MLYCD: variants seen among roughly 807,000 people sequenced by gnomAD.
The protein encoded by MLYCD is malonyl-CoA decarboxylase.
Under a neutral mutation model 35.8 loss-of-function variants are expected in MLYCD, and 27 were observed. The observed-to-expected ratio is 0.75, with a 90% CI of 0.56 to 1.04. The LOEUF (loss-of-function observed/expected upper bound fraction) is 1.04, where lower values mean the gene tolerates loss of function less well. MLYCD is among the 50% of genes least tolerant of loss of function. The pLI is 0.00. For synonymous variants in MLYCD, 403 were observed against 302.4 expected, an observed-to-expected ratio of 1.33 and a Z score of -3.45; for missense variants, 917 against 665.1, an observed-to-expected ratio of 1.38 and a Z score of -4.17.
chr16:83,914,716 C>A (rs1000957865), intron 4 of MLYCD: 1 of 536,074 alleles, frequency 1.9e-6, no homozygotes. Context: ...GAGATGGAGG[C>A]TGCAGTGAGC....
rs1242526627 is a variant in MLYCD at position 83,915,625 on chromosome 16, C to T, written c.*136C>T. On this transcript the variant is annotated 3_prime_UTR_variant, in exon 5 of 5. Transcript: ENST00000262430. ...GTGTTCTTGTCCCGCAGCCGGTCCA[C>T]ACTGTGAGGCCAGGCCTCAACTTCC... 8 of 1,525,096 alleles carry T rather than the reference C, an allele frequency of 5.2e-6. No individual in the cohort carries two copies. Among genetic ancestry groups the T allele is most frequent in the South Asian group, 4.8e-5 (4 of 82,572 alleles). 94.5% of individuals were successfully genotyped at this position (1,525,096 alleles called of 1,614,324 possible).
At position 83,915,579 on chromosome 16, in the gene MLYCD, C is replaced by T. The variant is rs1907354465; in HGVS notation, c.*90C>T. The stretch of plus-strand genomic sequence containing the variant: ...GAGTTATGTATCTGAAGCAGCTTTC[C>T]AAGCAAAGCCAAAGTTGACTGTGTT... On this transcript the variant is annotated 3_prime_UTR_variant, in exon 5 of 5. Coordinates refer to ENST00000262430, the MANE Select transcript of MLYCD (RefSeq NM_012213.3). 1 of 1,552,634 alleles carries T rather than the reference C, an allele frequency of 6.4e-7. No homozygotes were observed. The highest frequency in any genetic ancestry group is 1.9e-5 in the Admixed American group (1 of 52,698).
Position 83,899,666 on chromosome 16 carries a change from C to A in MLYCD, c.522C>A (p.Asp174Glu). ...AQALKLVEGPDVREMNGVLKG... is the reference protein window; with the variant it reads ...AQALKLVEGPEVREMNGVLKG... ...CCCTCAAGCTGGTGGAGGGGCCGGA[C>A]GTCCGGGTAAGGGGCCGCCGTCGAT... The change falls in exon 1 of 5, where the codon GAC becomes GAA. Residue 174 changes from aspartate (D) to glutamate (E), a missense_variant. Physicochemically the swap from Asp to Glu is conservative, Grantham distance 45. Coordinates refer to ENST00000262430, the MANE Select transcript of MLYCD (RefSeq NM_012213.3). 6.6e-7 allele frequency: 1 copy of A among 1,525,240 alleles called. No individual in the cohort carries two copies. The highest frequency in any genetic ancestry group is 8.7e-7 in the Non-Finnish European group (1 of 1,142,954). The allele number at this position is 1,525,240 out of a possible 1,614,324, so 94.5% of individuals were successfully genotyped here. A position where few individuals can be genotyped will look rare whatever the true frequency, so the allele number is the denominator to read the frequency against.
intron 3 of MLYCD, among the ~76,000 whole-genome samples, chr16:83,909,223 A>C (rs1283158006): frequency 1.3e-5 from 2 of 151,972 alleles, no homozygotes; most frequent in Non-Finnish European, 2.9e-5. Flanking sequence ...TGGCCTAACA[A>C]TTCCACTCCT....
In MLYCD at chr16:83,920,172, C is replaced by T. The variant is rs911257608; in HGVS notation, c.*4683C>T. ...GTGCACAGAACACACACCCTGTGCA[C>T]AGTTTTGTTTTGTTTTGCTTTTGCA... On this transcript the variant is annotated 3_prime_UTR_variant, in exon 5 of 5. Transcript: ENST00000262430. The T allele has an allele frequency of 4.6e-5, 7 of 152,208 alleles. No homozygotes were observed. The highest frequency in any genetic ancestry group is 1.0e-4 in the Non-Finnish European group (7 of 68,052). The allele number at this position is 152,208 out of a possible 1,614,324, so 9.4% of individuals were successfully genotyped here.
At chr16:83,906,785 C>T (rs1480266972) in intron 1 of MLYCD, among the ~76,000 whole-genome samples, 3 of 150,430 alleles carry the variant, frequency 2.0e-5, no homozygotes, top group Non-Finnish European at 4.4e-5. Flanking sequence ...CTAAATAGAG[C>T]GTTGAACGAA....
rs1293908135 is a variant in MLYCD, at chr16:83,915,875, C to T, written c.*386C>T. On this transcript the variant is annotated 3_prime_UTR_variant, in exon 5 of 5. Coordinates refer to ENST00000262430, the MANE Select transcript of MLYCD (RefSeq NM_012213.3). ...TCCTCCTAAGGACCGGGGCGCGTGG[C>T]CCAGATAAGAATAGGTGTTCCTTTG... The T allele has an allele frequency of 8.6e-7, 1 of 1,168,830 alleles. No homozygotes were observed. The highest frequency in any genetic ancestry group is 1.9e-5 in the South Asian group (1 of 51,356). The allele number at this position is 1,168,830 out of a possible 1,614,324, so 72.4% of individuals were successfully genotyped here. A position where few individuals can be genotyped will look rare whatever the true frequency, so the allele number is the denominator to read the frequency against.
Position 83,908,397 on chromosome 16 carries a change from T to G in MLYCD, c.798+115T>G, listed in dbSNP as rs1053530363. On this transcript the variant is annotated intron_variant, in intron 3 of 4. Transcript: ENST00000262430. The stretch of plus-strand genomic sequence containing the variant: ...CTCCTTTTTTTTTTTTTTAAATAAA[T>G]GGTTTTGGGCTTTTTTAAATTGGTT... The G allele has an allele frequency of 7.9e-5, 104 of 1,313,328 alleles. 1 individual carries two copies. The African/African-American group carries it at 1.2e-3, about 15-fold the overall frequency. The allele number at this position is 1,313,328 out of a possible 1,614,324, so 81.4% of individuals were successfully genotyped here.
chr16:83,903,882 G>T (rs1222621740), intron 1 of MLYCD, among the ~76,000 whole-genome samples: 1 of 152,192 alleles, frequency 6.6e-6, no homozygotes, highest in Non-Finnish European at 1.5e-5. Context: ...GATAAATGGT[G>T]CCTGAATTAA....
At chr16:83,912,125 TC>T (rs1907200494) in intron 3 of MLYCD, 92 bp from the exon 4 acceptor site, 6 of 1,563,554 alleles carry the variant, frequency 3.8e-6, no homozygotes, top group Non-Finnish European at 5.3e-6. Flanking sequence ...CCTTCAGTGC[TC>T]TGAGAATTGT....
chr16:83,914,637 G>C (rs1567636656), intron 4 of MLYCD: 1 of 399,430 alleles, frequency 2.5e-6, no homozygotes, highest in Non-Finnish European at 4.7e-6. Context: ...TTTCCTGCTG[G>C]GTGTGGCGGC....
In MLYCD at chr16:83,910,038, G is replaced by A. The variant is rs72791526; in HGVS notation, c.798+1756G>A. On this transcript the variant is annotated intron_variant, in intron 3 of 4. Coordinates refer to ENST00000262430, the MANE Select transcript of MLYCD (RefSeq NM_012213.3). ...CGGAACTGGAATTCAGACCCAGCTC[G>A]CATCCTGACTCTAAGGGCACGTGAG... is the stretch of plus-strand genomic sequence containing the variant. 1.8e-3 allele frequency among the ~76,000 whole-genome samples: 278 copies of A among 152,114 alleles called. 3 individuals carry two copies. The highest frequency in any genetic ancestry group is 0.01 in the Middle Eastern group (3 of 294).
chr16:83,914,778 C>CT lies in MLYCD; in HGVS notation c.949-177dup. The stretch of plus-strand genomic sequence containing the variant: ...AGGGCAATAGAGCAAGACCCTGACT[C>CT]TAAGAGGAAAAAAAGAAAAGCTGCT... On this transcript the variant is annotated intron_variant, in intron 4 of 4. Coordinates refer to ENST00000262430, the MANE Select transcript of MLYCD (RefSeq NM_012213.3). 3 of 902,650 alleles carry CT rather than the reference C, an allele frequency of 3.3e-6. 1 individual carries two copies. In the South Asian group the frequency reaches 4.6e-5, roughly 14 times the overall value. The allele number at this position is 902,650 out of a possible 1,614,324, so 55.9% of individuals were successfully genotyped here. A position where few individuals can be genotyped will look rare whatever the true frequency, so the allele number is the denominator to read the frequency against.
At position 83,907,016 on chromosome 16, in the gene MLYCD, C is replaced by G. The variant is rs200027817; in HGVS notation, c.558C>G (p.Leu186=). The change falls in exon 2 of 5, where the codon CTC becomes CTG. Residue 186 remains leucine (L), a synonymous_variant. Coordinates refer to ENST00000262430, the MANE Select transcript of MLYCD (RefSeq NM_012213.3). ...REMNGVLKGM[L]SEWFSSGFLN... ...TGAATGGGGTGCTGAAAGGAATGCT[C>G]TCAGAATGGTTTTCCTCCGGGTTCC... 1.6e-4 allele frequency: 260 copies of G among 1,614,124 alleles called. No homozygotes were observed. Among genetic ancestry groups the G allele is most frequent in the Non-Finnish European group, 1.6e-4 (194 of 1,180,002 alleles).
Position 83,926,596 on chromosome 16 carries a change from A to G in MLYCD, c.*11107A>G, listed in dbSNP as rs912650004. 39 of 152,242 alleles carry G rather than the reference A, an allele frequency of 2.6e-4. No homozygotes were observed. Among genetic ancestry groups the G allele is most frequent in the African/African-American group, 9.4e-4 (39 of 41,454 alleles). 9.4% of individuals were successfully genotyped at this position (152,242 alleles called of 1,614,324 possible). ...CCCCCTTGAGCTGGGTGGGCTGCCC[A>G]GCTGTGAACACAAGGACACCTCCGA... On this transcript the variant is annotated 3_prime_UTR_variant, in exon 5 of 5. Transcript: ENST00000262430.
intron 2 of MLYCD, 148 bp downstream of exon 2, chr16:83,907,247 G>T (rs910432539): frequency 1.4e-6 from 1 of 723,518 alleles, no homozygotes. Context: ...ATTTGCAAAT[G>T]CTGCGGCTGT....
At chr16:83,914,112 A>G (rs1907284514) in intron 4 of MLYCD, 1 of 152,080 alleles carries the variant, frequency 6.6e-6, no homozygotes, top group Non-Finnish European at 1.5e-5. Flanking sequence ...TGATGGTTTT[A>G]TTTTCTTCTG....
chr16:83,925,002 C>G lies in MLYCD; in HGVS notation c.*9513C>G, dbSNP rs576685285. 1 of 152,478 alleles carries G rather than the reference C, an allele frequency of 6.6e-6. No individual in the cohort carries two copies. The highest frequency in any genetic ancestry group is 6.5e-5 in the Admixed American group (1 of 15,308). The allele number at this position is 152,478 out of a possible 1,614,324, so 9.4% of individuals were successfully genotyped here. ...AAGGATCTCACCCCCATCCGTGTCTCTGCTGTCTCCTAACTACCGATAGCA... is the reference window on the plus strand; with the variant it reads ...AAGGATCTCACCCCCATCCGTGTCTGTGCTGTCTCCTAACTACCGATAGCA... On this transcript the variant is annotated 3_prime_UTR_variant, in exon 5 of 5. Transcript: ENST00000262430.
rs528941889 is a variant in MLYCD, at chr16:83,916,883, GGA to G, written c.*1395_*1396del. ...TGCGTGTGCCCGAGCGTCTCTGTGT[GGA>G]TCAGTGCACGTCTGTGTGCGTGTGC... On this transcript the variant is annotated 3_prime_UTR_variant, in exon 5 of 5. Coordinates refer to ENST00000262430, the MANE Select transcript of MLYCD (RefSeq NM_012213.3). 5 of 139,400 alleles carry G rather than the reference GGA, an allele frequency of 3.6e-5. No individual in the cohort carries two copies. The highest frequency in any genetic ancestry group is 4.7e-5 in the Non-Finnish European group (3 of 63,698). 8.6% of individuals were successfully genotyped at this position (139,400 alleles called of 1,614,324 possible).
Sources: allele counts gnomAD v4.1 joint callset (sites outside exome capture counted in the v4.1 genomes callset), GRCh38; gene constraint gnomAD v4.1.1; transcripts MANE v1.5; gene names NCBI Gene and HGNC (gene_info 2026-07-23, HGNC 2026-07-21).